VGLL4: variants seen among roughly 807,000 people sequenced by gnomAD.
The protein encoded by VGLL4 is transcription cofactor vestigial-like protein 4.
A neutral mutation model predicts 21.0 loss-of-function variants in VGLL4; 7 were observed. That is an observed-to-expected ratio of 0.33 (90% CI 0.19 to 0.63). The LOEUF is 0.63. VGLL4 is among the 20% of genes least tolerant of loss of function. The probability of loss-of-function intolerance (pLI) is 0.78; values close to 1 mark genes in which losing one functional copy is unlikely to be tolerated. For synonymous variants in VGLL4, 222 were observed against 173.2 expected, an observed-to-expected ratio of 1.28 and a Z score of -2.21; for missense variants, 394 against 425.7, an observed-to-expected ratio of 0.93 and a Z score of 0.66.
intron 1 of VGLL4, chr3:11,626,287 C>T: frequency 2.2e-6 from 1 of 447,620 alleles, no homozygotes; most frequent in Non-Finnish European, 4.5e-6. Context: ...AACTCAAAGA[C>T]ACAACCTTTC....
rs6775489 is a variant in VGLL4 at position 11,600,822 on chromosome 3, G to A, written c.272+1011C>T. ...CAGGAATTGGAGCATCTTGAATAAT[G>A]AGGAAACACTGACTCATGCTAGAGT... is the stretch of plus-strand genomic sequence containing the variant. On this transcript the variant is annotated intron_variant, in intron 2 of 4. Transcript: ENST00000430365. Among the ~76,000 whole-genome samples, 246 of 152,284 alleles carry A rather than the reference G, an allele frequency of 1.6e-3. 1 individual carries two copies. Among genetic ancestry groups the A allele is most frequent in the African/African-American group, 5.4e-3 (223 of 41,560 alleles).
intron 1 of VGLL4, among the ~76,000 whole-genome samples, chr3:11,637,101 G>C (rs1299164441): frequency 3.3e-5 from 5 of 151,910 alleles, no homozygotes; most frequent in African/African-American, 4.8e-5. Flanking sequence ...TAGACACATG[G>C]TAGTAAAGGT....
rs1173688687 is a variant in VGLL4 at position 11,558,302 on chromosome 3, G to A, written c.*254C>T. On this transcript the variant is annotated 3_prime_UTR_variant, in exon 5 of 5. Coordinates refer to ENST00000430365, the MANE Select transcript of VGLL4 (RefSeq NM_001128219.3). ...CATCAGAGGTTTCTTTGGTAACTGA[G>A]GCAGGAAGTAAGGATGCTACATTAG... 1.7e-6 allele frequency: 1 copy of A among 592,216 alleles called. No homozygotes were observed. The highest frequency in any genetic ancestry group is 2.8e-6 in the Non-Finnish European group (1 of 351,980). 36.7% of individuals were successfully genotyped at this position (592,216 alleles called of 1,614,324 possible).
intron 2 of VGLL4, among the ~76,000 whole-genome samples, chr3:11,601,045 C>T (rs944591594): frequency 1.3e-5 from 2 of 152,156 alleles, no homozygotes; most frequent in Non-Finnish European, 2.9e-5. Flanking sequence ...GAAGCCTCTC[C>T]CTCTGCGAGG....
intron 2 of VGLL4, among the ~76,000 whole-genome samples, chr3:11,702,499 G>A (rs986670818): frequency 6.0e-5 from 9 of 149,466 alleles, no homozygotes; most frequent in Non-Finnish European, 1.3e-4. Context: ...CATTGTGGCA[G>A]GCACCTGTAA....
At chr3:11,574,783 A>ATGTGTGTGTGTGTGTGTGTG (rs768970246) in intron 2 of VGLL4, among the ~76,000 whole-genome samples, 1 of 111,778 alleles carries the variant, frequency 8.9e-6, no homozygotes, top group Non-Finnish European at 1.9e-5. Flanking sequence ...ATTCAACTAT[A>ATGTGTGTGTGTGTGTGTGTG]TATGTGTGTG....
At chr3:11,607,204 C>T (rs539450406) in intron 1 of VGLL4, 9 of 152,154 alleles carry the variant, frequency 5.9e-5, no homozygotes, top group Non-Finnish European at 1.2e-4. Flanking sequence ...CATCAACTAA[C>T]AGATGTAAAA....
chr3:11,649,549 G>C (rs1359128935), intron 2 of VGLL4, among the ~76,000 whole-genome samples: 1 of 152,124 alleles, frequency 6.6e-6, no homozygotes, highest in Non-Finnish European at 1.5e-5. Flanking sequence ...TGAGACATAA[G>C]CAATGGATAT....
At chr3:11,679,633 A>G (rs2076342651) in intron 2 of VGLL4, among the ~76,000 whole-genome samples, 1 of 152,146 alleles carries the variant, frequency 6.6e-6, no homozygotes, top group African/African-American at 2.4e-5. Flanking sequence ...CAGTGAGCCG[A>G]GATTGCACCA....
intron 2 of VGLL4, among the ~76,000 whole-genome samples, chr3:11,587,086 G>C (rs936806824): frequency 6.6e-6 from 1 of 152,238 alleles, no homozygotes; most frequent in African/African-American, 2.4e-5. Flanking sequence ...AGTGGCCAAA[G>C]AGACTTTCAA....
chr3:11,652,337 G>A (rs934274789), intron 2 of VGLL4, among the ~76,000 whole-genome samples: 1 of 152,148 alleles, frequency 6.6e-6, no homozygotes, highest in Non-Finnish European at 1.5e-5. Flanking sequence ...TTAAATTGAT[G>A]CCAAGTGATT....
At chr3:11,623,962 G>A (rs879755432) in intron 1 of VGLL4, among the ~76,000 whole-genome samples, 11 of 151,704 alleles carry the variant, frequency 7.3e-5, no homozygotes, top group South Asian at 2.1e-4. Context: ...GGCTGGTCTC[G>A]AACTCCTGGG....
In VGLL4 at chr3:11,602,027, G is replaced by C. The variant is rs749519625; in HGVS notation, c.83-5C>G. 6.5e-7 allele frequency: 1 copy of C among 1,544,382 alleles called. No homozygotes were observed. The highest frequency in any genetic ancestry group is 8.7e-7 in the Non-Finnish European group (1 of 1,151,626). ...CTCCCCTGAGAGCAGCTTCGCCTAC[G>C]CAGAGAGAGATGATGTAGTCACTAA... is the stretch of plus-strand genomic sequence containing the variant. On this transcript the variant is annotated splice_region_variant and splice_polypyrimidine_tract_variant and intron_variant, in intron 1 of 4. Coordinates refer to ENST00000430365, the MANE Select transcript of VGLL4 (RefSeq NM_001128219.3).
rs2072677366 is a variant in VGLL4 at position 11,558,809 on chromosome 3, G to A, written c.638C>T (p.Pro213Leu). The change falls in exon 5 of 5, where the codon CCC (proline) becomes CTC (leucine). Residue 213 changes from proline to leucine, a missense_variant. By Grantham distance (98) the Pro-to-Leu change is moderately conservative. Coordinates refer to ENST00000430365, the MANE Select transcript of VGLL4 (RefSeq NM_001128219.3). ...CCTGCGGAAATGCTCCTCCACCACG[G>A]GGTCACAGGTGGTGGCAGCTGCAGG... ...RPPSAATTCD[P>L]VVEEHFRRSL... The A allele has an allele frequency of 6.2e-7, 1 of 1,612,372 alleles. No individual in the cohort carries two copies. Among genetic ancestry groups the A allele is most frequent in the African/African-American group, 1.3e-5 (1 of 75,012 alleles).
At chr3:11,571,966 G>A (rs1050752308) in intron 2 of VGLL4, among the ~76,000 whole-genome samples, 1 of 152,148 alleles carries the variant, frequency 6.6e-6, no homozygotes, top group Non-Finnish European at 1.5e-5. Flanking sequence ...AATTATCTGG[G>A]CGTGGTGTCA....
At chr3:11,561,134 CA>C (rs2072956850) in intron 3 of VGLL4, among the ~76,000 whole-genome samples, 1 of 151,718 alleles carries the variant, frequency 6.6e-6, no homozygotes, top group Non-Finnish European at 1.5e-5. Flanking sequence ...GACCCCCCCC[CA>C]GGGTCCTCCC....
chr3:11,590,356 A>G (rs1347787983), intron 2 of VGLL4, among the ~76,000 whole-genome samples: 1 of 152,184 alleles, frequency 6.6e-6, no homozygotes, highest in Non-Finnish European at 1.5e-5. Context: ...TGTCCTTTCT[A>G]CTTGGCCTTG....
In VGLL4 at chr3:11,565,049, C is replaced by G. The variant is rs764221570; in HGVS notation, c.273-30G>C. 2.0e-5 allele frequency: 29 copies of G among 1,461,664 alleles called. No homozygotes were observed. Among genetic ancestry groups the G allele is most frequent in the Non-Finnish European group, 2.2e-5 (24 of 1,107,622 alleles). The allele number at this position is 1,461,664 out of a possible 1,614,324, so 90.5% of individuals were successfully genotyped here. A position where few individuals can be genotyped will look rare whatever the true frequency, so the allele number is the denominator to read the frequency against. On this transcript the variant is annotated intron_variant, in intron 2 of 4. Transcript: ENST00000430365. The surrounding 1 kb of genome is among the most constrained non-coding windows in gnomAD (Gnocchi z 4.1). ...AAAAGAGGAATGGGCATTCAGGGGG[C>G]GTTTTCTCAAAGGCAAAGGGGACAG...
Position 11,718,228 on chromosome 3 carries a change from G to A in VGLL4, c.-14+2166C>T, listed in dbSNP as rs182318791. On this transcript the variant is annotated intron_variant, in intron 1 of 5. Transcript: ENST00000273038. ...TTGAAGGGTTTACATCATTTCCACC[G>A]TGGGGGAGATGACTTTTCAGGCCAG... 5.9e-5 allele frequency among the ~76,000 whole-genome samples: 9 copies of A among 152,306 alleles called. No homozygotes were observed. In the East Asian group the frequency reaches 1.5e-3, roughly 26 times the overall value.
Sources: gnomAD v4.1 joint callset for allele counts (sites outside exome capture counted in the v4.1 genomes callset) on GRCh38, gnomAD v4.1.1 for gene constraint, Gnocchi (gnomAD v3.1) non-coding constraint, MANE v1.5 for transcripts, NCBI Gene and HGNC (gene_info 2026-07-23, HGNC 2026-07-21) for gene names.